GKAP1: variants seen among roughly 807,000 people sequenced by gnomAD.
The protein encoded by GKAP1 is G kinase-anchoring protein 1.
Under a neutral mutation model 56.7 loss-of-function variants are expected in GKAP1, and 31 were observed. The ratio of observed to expected loss-of-function variants is 0.55; its 90% confidence interval spans 0.41 to 0.74. The LOEUF is 0.74. GKAP1 is among the 30% of genes least tolerant of loss of function. The probability of loss-of-function intolerance (pLI) is 0.00; values close to 1 mark genes in which losing one functional copy is unlikely to be tolerated. For missense variants in GKAP1, 364 were observed against 402.3 expected (o/e 0.90, Z 0.82); for synonymous variants, 151 against 138.6 (o/e 1.09, Z -0.63).
chr9:83,779,961 G>T (rs532151426), intron 7 of GKAP1, among the ~76,000 whole-genome samples: 9 of 152,084 alleles, frequency 5.9e-5, no homozygotes, highest in Admixed American at 4.6e-4. Context: ...TTTTACCCAT[G>T]AGTATATCTA....
At chr9:83,793,954 A>G (rs1185119032) in intron 4 of GKAP1, among the ~76,000 whole-genome samples, 3 of 152,032 alleles carry the variant, frequency 2.0e-5, no homozygotes, top group African/African-American at 4.8e-5. Flanking sequence ...ACTGCTTGAG[A>G]CCAGGAGTTC....
Position 83,808,637 on chromosome 9 carries a change from G to C in GKAP1, c.-43-2077C>G, listed in dbSNP as rs190364334. ...CCTATATAAAATTTTACTTTCTTGA[G>C]CACTCAAGGTACAATTATCCTACAT... is the stretch of plus-strand genomic sequence containing the variant. On this transcript the variant is annotated intron_variant, in intron 2 of 12. Transcript: ENST00000376371. Among the ~76,000 whole-genome samples, 3 of 152,224 alleles carry C rather than the reference G, an allele frequency of 2.0e-5. No individual in the cohort carries two copies. In the East Asian group the frequency reaches 5.8e-4, roughly 29 times the overall value.
In GKAP1 at chr9:83,804,561, C is replaced by T. The variant is rs867002940; in HGVS notation, c.216+1741G>A. Among the ~76,000 whole-genome samples the T allele has an allele frequency of 4.6e-5, 5 of 108,220 alleles. No individual in the cohort carries two copies. The East Asian group carries it at 1.0e-3, about 22-fold the overall frequency. 71.0% of individuals were successfully genotyped at this position (108,220 alleles called of 152,430 possible). A position where few individuals can be genotyped will look rare whatever the true frequency, so the allele number is the denominator to read the frequency against. The stretch of plus-strand genomic sequence containing the variant: ...CCCCCGCCCAGCCAGACGCCCCGTC[C>T]GGGAGGGAGGTGGGGGGGTCAGCCC... On this transcript the variant is annotated intron_variant, in intron 3 of 12. Transcript: ENST00000376371.
intron 12 of GKAP1, among the ~76,000 whole-genome samples, chr9:83,740,302 G>A (rs1943184957): frequency 6.6e-6 from 1 of 152,012 alleles, no homozygotes; most frequent in African/African-American, 2.4e-5. Context: ...TGTGGTATTT[G>A]ACTTGAGCCA....
intron 8 of GKAP1, among the ~76,000 whole-genome samples, chr9:83,762,709 C>A (rs941728956): frequency 6.6e-6 from 1 of 152,050 alleles, no homozygotes; most frequent in African/African-American, 2.4e-5. Flanking sequence ...ACACACAGAC[C>A]AATGGAACAG....
chr9:83,760,923 T>A (rs1207786075), intron 8 of GKAP1, among the ~76,000 whole-genome samples: 2 of 150,946 alleles, frequency 1.3e-5, no homozygotes, highest in East Asian at 3.9e-4. Context: ...AAGAAAAATT[T>A]CAAATAAACA....
chr9:83,804,260 C>T lies in GKAP1; in HGVS notation c.216+2042G>A, dbSNP rs540786747. On this transcript the variant is annotated intron_variant, in intron 3 of 12. Transcript: ENST00000376371. ...TCCGGGAGGGAGGTGGGGGGCTCAGCCCCCCGCCCGGCCAGCCGCCCCATC... is the reference window on the plus strand; with the variant it reads ...TCCGGGAGGGAGGTGGGGGGCTCAGTCCCCCGCCCGGCCAGCCGCCCCATC... Among the ~76,000 whole-genome samples the T allele has an allele frequency of 1.4e-3, 212 of 147,294 alleles. 1 individual carries two copies. Among genetic ancestry groups the T allele is most frequent in the African/African-American group, 4.9e-3 (196 of 39,772 alleles).
At chr9:83,768,244 G>A (rs1321731697) in intron 8 of GKAP1, among the ~76,000 whole-genome samples, 1 of 151,966 alleles carries the variant, frequency 6.6e-6, no homozygotes, top group Admixed American at 6.6e-5. Flanking sequence ...TAAACATTTG[G>A]TCTAGGGCCT....
At chr9:83,780,470 A>AG in intron 6 of GKAP1, 66 bp from the exon 7 acceptor site, 1 of 809,998 alleles carries the variant, frequency 1.2e-6, no homozygotes, top group South Asian at 1.8e-5. Flanking sequence ...AAATGTAAAA[A>AG]AAAAAAAAAA....
intron 2 of GKAP1, among the ~76,000 whole-genome samples, chr9:83,809,023 C>A (rs1171466442): frequency 6.6e-6 from 1 of 152,244 alleles, no homozygotes; most frequent in Admixed American, 6.5e-5. Flanking sequence ...AGCAAGAAAG[C>A]AACTTTGCTG....
intron 5 of GKAP1, among the ~76,000 whole-genome samples, chr9:83,787,572 CA>C (rs1944086702): frequency 6.6e-6 from 1 of 152,102 alleles, no homozygotes; most frequent in African/African-American, 2.4e-5. Context: ...AGGACATGGC[CA>C]AAAAGTCTTC....
At chr9:83,805,565 C>T in intron 3 of GKAP1, among the ~76,000 whole-genome samples, 1 of 151,832 alleles carries the variant, frequency 6.6e-6, no homozygotes, top group Middle Eastern at 3.4e-3. Context: ...TGGAAAACTG[C>T]TCATGGTTAA....
At chr9:83,756,470 C>CAAAAAAAAAAAAAAAAAAAAAAAAAA (rs142896755) in intron 8 of GKAP1, among the ~76,000 whole-genome samples, 1 of 75,442 alleles carries the variant, frequency 1.3e-5, no homozygotes, top group Non-Finnish European at 2.5e-5. Flanking sequence ...GACTCCATCT[C>CAAAAAAAAAAAAAAAAAAAAAAAAAA]AAAAAAAAAA....
intron 4 of GKAP1, among the ~76,000 whole-genome samples, chr9:83,794,775 T>A (rs1223255736): frequency 6.6e-6 from 1 of 151,066 alleles, no homozygotes; most frequent in Non-Finnish European, 1.5e-5. Flanking sequence ...AGATTATACC[T>A]GAAAAACATC....
At chr9:83,770,564 T>G (rs1943740621) in intron 7 of GKAP1, among the ~76,000 whole-genome samples, 1 of 149,226 alleles carries the variant, frequency 6.7e-6, no homozygotes, top group Admixed American at 6.7e-5. Flanking sequence ...TTACACTGCT[T>G]TTTTTTTTTT....
chr9:83,801,344 C>A (rs1944328191), intron 3 of GKAP1, among the ~76,000 whole-genome samples: 1 of 151,574 alleles, frequency 6.6e-6, no homozygotes, highest in South Asian at 2.1e-4. Context: ...CTCTACTAGA[C>A]TCCAGAACTG....
intron 2 of GKAP1, among the ~76,000 whole-genome samples, chr9:83,812,916 CTAATT>C (rs1186604741): frequency 2.0e-5 from 3 of 152,050 alleles, no homozygotes; most frequent in African/African-American, 7.2e-5. Context: ...CCCTCGTTAA[CTAATT>C]TTTCAGAATT....
intron 5 of GKAP1, 105 bp downstream of exon 5, chr9:83,788,496 G>T: frequency 1.6e-6 from 1 of 606,924 alleles, no homozygotes; most frequent in Non-Finnish European, 2.8e-6. Context: ...ATGAATTTTT[G>T]GACAAACTTT....
Position 83,756,243 on chromosome 9 carries a change from G to A in GKAP1, c.739-2884C>T, listed in dbSNP as rs559996996. Among the ~76,000 whole-genome samples, 13 of 151,922 alleles carry A rather than the reference G, an allele frequency of 8.6e-5. No individual in the cohort carries two copies. The South Asian group carries it at 1.0e-3, about 12-fold the overall frequency. On this transcript the variant is annotated intron_variant, in intron 8 of 12. Transcript: ENST00000376371. ...TATAATCTCAGCACTTTGGGAGGCC[G>A]AGGTGAGCAGATCACCAGAGGTCGG...
Sources: allele counts gnomAD v4.1 joint callset (sites outside exome capture counted in the v4.1 genomes callset), GRCh38; gene constraint gnomAD v4.1.1; transcripts MANE v1.5; gene names NCBI Gene and HGNC (gene_info 2026-07-23, HGNC 2026-07-21).